Variants in SOCS2 observed in about 807,000 individuals in gnomAD.
SOCS2 encodes CIS-2.
A neutral mutation model predicts 18.6 loss-of-function variants in SOCS2; 10 were observed. That is an observed-to-expected ratio of 0.54 (90% confidence interval 0.33 to 0.91). The LOEUF is 0.91. Among genes scored for constraint, SOCS2 ranks in the 40% least tolerant of loss-of-function variants. SOCS2 has a pLI of 0.02. For missense variants in SOCS2, 231 were observed against 247.2 expected (o/e 0.93, Z 0.44); for synonymous variants, 104 against 104.0 (o/e 1.00, Z 0.00).
downstream of SOCS2, among the ~76,000 whole-genome samples, chr12:93,581,463 T>G (rs560538051): frequency 1.3e-4 from 20 of 152,232 alleles, no homozygotes; most frequent in South Asian, 2.3e-3. Context: ...TTACATTGTC[T>G]TCTACTATGG....
the SOCS2 span, among the ~76,000 whole-genome samples, chr12:93,602,263 A>T: frequency 6.6e-6 from 1 of 151,972 alleles, no homozygotes; most frequent in Non-Finnish European, 1.5e-5. Context: ...CTTTTTTAAA[A>T]ATTTTTATTT....
chr12:93,586,994 C>T (rs188836644), downstream of SOCS2, among the ~76,000 whole-genome samples: 138 of 152,226 alleles, frequency 9.1e-4, no homozygotes, highest in African/African-American at 2.8e-3. Context: ...ATGGCAAAAC[C>T]CTGTTTCTAC....
At chr12:93,600,064 C>G in the SOCS2 span, among the ~76,000 whole-genome samples, 4 of 152,050 alleles carry the variant, frequency 2.6e-5, no homozygotes, top group Non-Finnish European at 4.4e-5. Context: ...TTATTCTTTA[C>G]ATTTTGTGTT....
upstream of SOCS2, chr12:93,572,176 C>T (rs909646881): frequency 2.3e-4 from 40 of 171,740 alleles, no homozygotes; most frequent in South Asian, 5.0e-3. The surrounding 1 kb of genome is among the most constrained non-coding windows in gnomAD (Gnocchi z 5.0). Flanking sequence ...TCCCGCACCT[C>T]CGCACCCCGG....
the SOCS2 span, among the ~76,000 whole-genome samples, chr12:93,594,000 A>T: frequency 6.6e-6 from 1 of 152,216 alleles, no homozygotes; most frequent in Non-Finnish European, 1.5e-5. Flanking sequence ...ATTACAAGCC[A>T]GCAGGAAGAG....
chr12:93,620,719 C>T, the SOCS2 span, among the ~76,000 whole-genome samples: 48 of 152,254 alleles, frequency 3.2e-4, no homozygotes, highest in Middle Eastern at 3.4e-3. Flanking sequence ...TGGCCTGGAG[C>T]GACATTTATT....
chr12:93,613,680 G>A, the SOCS2 span, among the ~76,000 whole-genome samples: 8 of 152,178 alleles, frequency 5.3e-5, no homozygotes, highest in African/African-American at 1.7e-4. Context: ...AAACGGAACA[G>A]CATGCTGAAT....
At chr12:93,610,889 T>C in the SOCS2 span, among the ~76,000 whole-genome samples, 1 of 152,148 alleles carries the variant, frequency 6.6e-6, no homozygotes, top group Non-Finnish European at 1.5e-5. Flanking sequence ...CAGTCTAAGG[T>C]GTTTTTTTAA....
the SOCS2 span, among the ~76,000 whole-genome samples, chr12:93,604,786 C>T: frequency 0.15 from 23,294 of 151,876 alleles, 1,871 homozygotes; most frequent in East Asian, 0.26. Context: ...CAGCCCCCAT[C>T]GTAGCTGGGA....
At chr12:93,592,051 T>C in the SOCS2 span, among the ~76,000 whole-genome samples, 1 of 152,174 alleles carries the variant, frequency 6.6e-6, no homozygotes. Flanking sequence ...TTTAGTCAGT[T>C]CAGAAGTGCA....
the SOCS2 span, among the ~76,000 whole-genome samples, chr12:93,590,783 C>CAAAAA: frequency 4.6e-3 from 178 of 38,948 alleles, 44 homozygotes; most frequent in African/African-American, 7.8e-3. Flanking sequence ...GACTCCGCCT[C>CAAAAA]AAAAAAAAAA....
At chr12:93,589,316 T>C in the SOCS2 span, among the ~76,000 whole-genome samples, 1 of 152,226 alleles carries the variant, frequency 6.6e-6, no homozygotes. Context: ...CATATTCTAG[T>C]TACAGAAATT....
rs753301480 is a variant in SOCS2 at position 93,572,887 on chromosome 12, A to G, written c.-11A>G. On this transcript the variant is annotated 5_prime_UTR_variant, in exon 1 of 2. Transcript: ENST00000551556. This position sits in a 1 kb window ranked among gnomAD's most constrained non-coding sequence, Gnocchi z 5.0. Reference sequence around the variant, plus strand: ...GCGGCCACCTGTCTTTGCCGCGGTGACCCTTCTCTCATGACCCTGCGGTGC... The same window carrying G: ...GCGGCCACCTGTCTTTGCCGCGGTGGCCCTTCTCTCATGACCCTGCGGTGC... The G allele has an allele frequency of 1.8e-5, 29 of 1,568,992 alleles. No individual in the cohort carries two copies. The South Asian group carries it at 2.3e-4, about 13-fold the overall frequency.
the SOCS2 span, among the ~76,000 whole-genome samples, chr12:93,591,461 G>A: frequency 6.6e-6 from 1 of 152,208 alleles, no homozygotes; most frequent in Admixed American, 6.5e-5. Context: ...GCGGCAAGAG[G>A]AATCTCAGAG....
At chr12:93,603,124 A>T in the SOCS2 span, among the ~76,000 whole-genome samples, 10 of 152,152 alleles carry the variant, frequency 6.6e-5, no homozygotes, top group Non-Finnish European at 1.3e-4. Flanking sequence ...ACTGCCTCCT[A>T]TTTTTAGTAG....
the SOCS2 span, among the ~76,000 whole-genome samples, chr12:93,600,442 G>C: frequency 1.3e-5 from 2 of 151,650 alleles, no homozygotes; most frequent in Non-Finnish European, 2.9e-5. Flanking sequence ...ATTCTTCTGT[G>C]TTATCTTGGC....
chr12:93,610,372 C>G, the SOCS2 span, among the ~76,000 whole-genome samples: 1 of 152,118 alleles, frequency 6.6e-6, no homozygotes, highest in Non-Finnish European at 1.5e-5. Flanking sequence ...ACACAACTTC[C>G]TGGACCCCCA....
At chr12:93,573,831 G>C (rs1954357480) in intron 1 of SOCS2, 1 of 151,932 alleles carries the variant, frequency 6.6e-6, no homozygotes, top group Non-Finnish European at 1.5e-5. Context: ...GGAGGCACCG[G>C]CAGATTGCAA....
At chr12:93,593,346 GC>G in the SOCS2 span, among the ~76,000 whole-genome samples, 2 of 152,302 alleles carry the variant, frequency 1.3e-5, no homozygotes, top group East Asian at 1.9e-4. Context: ...AGAAGAGAGA[GC>G]TTTTATGGTT....
Sources: allele counts gnomAD v4.1 joint callset (sites outside exome capture counted in the v4.1 genomes callset), GRCh38; gene constraint gnomAD v4.1.1; non-coding constraint Gnocchi (gnomAD v3.1); transcripts MANE v1.5; gene names NCBI Gene and HGNC (gene_info 2026-07-23, HGNC 2026-07-21).